MC1R: variants seen among roughly 807,000 people sequenced by gnomAD.
The protein encoded by MC1R is melanocortin 1 receptor.
For synonymous variants in MC1R, 263 were observed against 203.8 expected, an observed-to-expected ratio of 1.29 and a Z score of -2.47; for missense variants, 542 against 430.0, an observed-to-expected ratio of 1.26 and a Z score of -2.30.
chr16:89,919,673 G>A lies in MC1R; in HGVS notation c.415G>A (p.Ala139Thr), dbSNP rs765120108. 39 of 1,605,892 alleles carry A rather than the reference G, an allele frequency of 2.4e-5. No individual in the cohort carries two copies. The highest frequency in any genetic ancestry group is 3.0e-5 in the Non-Finnish European group (35 of 1,179,502). Residue 139 changes from alanine to threonine, a missense_variant, in exon 1 of 1, where the codon GCC becomes ACC. By Grantham distance (58) the Ala-to-Thr change is moderately conservative (BLOSUM62 0). Transcript: ENST00000555147. ...CAGCCTCTGCTTCCTGGGCGCCATC[G>A]CCGTGGACCGCTACATCTCCATCTT... ...LSSLCFLGAI[A>T]VDRYISIFYA... is the part of the protein sequence containing the mutation.
rs754488118 is a variant in MC1R at position 89,920,226 on chromosome 16, GGCTTTAAGTGTGCTGGGCA to G, written c.*16_*34del. On this transcript the variant is annotated 3_prime_UTR_variant, in exon 1 of 1. Transcript: ENST00000555147. ...TGCTCCTGGTGAGCGCGGTGCACGCGGCTTTAAGTGTGCTGGGCAGAGGGAGGTGGTGATATTGTGTGGT... is the reference window on the plus strand; with the variant it reads ...TGCTCCTGGTGAGCGCGGTGCACGCGGAGGGAGGTGGTGATATTGTGTGGT... The G allele has an allele frequency of 1.3e-6, 2 of 1,598,024 alleles. No homozygotes were observed. The highest frequency in any genetic ancestry group is 2.2e-5 in the South Asian group (2 of 90,732).
In MC1R at chr16:89,919,585, G is replaced by A. The variant is rs1391913478; in HGVS notation, c.327G>A (p.Arg109=). 2 of 1,610,394 alleles carry A rather than the reference G, an allele frequency of 1.2e-6. No individual in the cohort carries two copies. The highest frequency in any genetic ancestry group is 1.7e-5 in the Admixed American group (1 of 60,016). The change falls in exon 1 of 1, where the codon CGG becomes CGA. Residue 109 remains arginine (R), a synonymous_variant. Coordinates refer to ENST00000555147, the MANE Select transcript of MC1R (RefSeq NM_002386.4). ...LLLEAGALVA[R]AAVLQQLDNV... ...TGGAGGCCGGTGCACTGGTGGCCCG[G>A]GCTGCGGTGCTGCAGCAGCTGGACA... is the stretch of plus-strand genomic sequence containing the variant.
In MC1R at chr16:89,919,845, TC is replaced by T. The variant is rs1433113804; in HGVS notation, c.589del (p.Leu197TrpfsTer117). ...GTCCTGCTGTGCCTCGTGGTCTTCT[TC>T]CTGGCTATGCTGGTGCTCATGGCCG... The part of the protein sequence containing the change: ...VAVLLCLVVF[F>X]LAMLVLMAVL... On this transcript the variant is annotated frameshift_variant, in exon 1 of 1. Transcript: ENST00000555147. LOFTEE classifies it low-confidence loss of function (END_TRUNC). The T allele has an allele frequency of 1.2e-6, 2 of 1,606,800 alleles. No individual in the cohort carries two copies. The highest frequency in any genetic ancestry group is 1.7e-6 in the Non-Finnish European group (2 of 1,179,748).
rs3212370 is a variant in MC1R, at chr16:89,920,369, C to A, written c.*157C>A. 9,211 of 680,126 alleles carry A rather than the reference C, an allele frequency of 0.014. 677 individuals carry two copies. In the African/African-American group the frequency reaches 0.15, roughly 11 times the overall value. 42.1% of individuals were successfully genotyped at this position (680,126 alleles called of 1,614,324 possible). A position where few individuals can be genotyped will look rare whatever the true frequency, so the allele number is the denominator to read the frequency against. The stretch of plus-strand genomic sequence containing the variant: ...TCTCTGAAAGTGTTGAAGCGCGGAC[C>A]CTTCTGGGTCCAGGGAGGGGTCCCT... On this transcript the variant is annotated 3_prime_UTR_variant, in exon 1 of 1. Coordinates refer to ENST00000555147, the MANE Select transcript of MC1R (RefSeq NM_002386.4).
Position 89,919,262 on chromosome 16 carries a change from G to A in MC1R, c.4G>A (p.Ala2Thr), listed in dbSNP as rs1171269324. The change falls in exon 1 of 1, where the codon GCT becomes ACT. Residue 2 changes from alanine to threonine, a missense_variant. Ala to Thr is a moderately conservative substitution (Grantham distance 58). Transcript: ENST00000555147. ...TTCCTGCTTCCTGGACAGGACTATG[G>A]CTGTGCAGGGATCCCAGAGAAGACT... M[A>T]VQGSQRRLLG... 6.4e-7 allele frequency: 1 copy of A among 1,565,650 alleles called. No individual in the cohort carries two copies. The highest frequency in any genetic ancestry group is 8.7e-7 in the Non-Finnish European group (1 of 1,154,274).
chr16:89,919,350 C>T lies in MC1R; in HGVS notation c.92C>T (p.Thr31Ile). The change falls in exon 1 of 1, where the codon ACA (threonine) becomes ATA (isoleucine). Residue 31 changes from threonine to isoleucine, a missense_variant. Coordinates refer to ENST00000555147, the MANE Select transcript of MC1R (RefSeq NM_002386.4). ...CAGCTGGGGCTGGCTGCCAACCAGA[C>T]AGGAGCCCGGTGCCTGGAGGTGTCC... ...IPQLGLAANQ[T>I]GARCLEVSIS... 4 of 1,613,040 alleles carry T rather than the reference C, an allele frequency of 2.5e-6. No homozygotes were observed. The highest frequency in any genetic ancestry group is 3.4e-6 in the Non-Finnish European group (4 of 1,179,778).
chr16:89,919,925 C>A lies in MC1R; in HGVS notation c.667C>A (p.Arg223=), dbSNP rs372152373. The A allele has an allele frequency of 1.2e-6, 2 of 1,609,938 alleles. No homozygotes were observed. The highest frequency in any genetic ancestry group is 1.7e-6 in the Non-Finnish European group (2 of 1,179,826). The change falls in exon 1 of 1, where the codon CGG becomes AGG. Residue 223 remains arginine (R), a synonymous_variant. Transcript: ENST00000555147. ...CTGCCAGCACGCCCAGGGCATCGCC[C>A]GGCTCCACAAGAGGCAGCGCCCGGT... ...RACQHAQGIA[R]LHKRQRPVHQ... is the part of the protein sequence containing the mutation.
At position 89,919,626 on chromosome 16, in the gene MC1R, T is replaced by G; in HGVS notation, c.368T>G (p.Ile123Ser). The G allele has an allele frequency of 6.2e-7, 1 of 1,607,434 alleles. No individual in the cohort carries two copies. Among genetic ancestry groups the G allele is most frequent in the Non-Finnish European group, 8.5e-7 (1 of 1,179,778 alleles). The change falls in exon 1 of 1, where the codon ATC (isoleucine) becomes AGC (serine). Residue 123 changes from isoleucine to serine, a missense_variant. By Grantham distance (142) the Ile-to-Ser change is moderately radical (BLOSUM62 -2). Coordinates refer to ENST00000555147, the MANE Select transcript of MC1R (RefSeq NM_002386.4). ...LQQLDNVIDV[I>S]TCSSMLSSLC... The stretch of plus-strand genomic sequence containing the variant: ...CAGCTGGACAATGTCATTGACGTGA[T>G]CACCTGCAGCTCCATGCTGTCCAGC...
In MC1R at chr16:89,920,077, C is replaced by A; in HGVS notation, c.819C>A (p.Cys273Ter). 1 of 1,613,830 alleles carries A rather than the reference C, an allele frequency of 6.2e-7. No individual in the cohort carries two copies. Reference protein sequence around the residue: ...LIVLCPEHPTCGCIFKNFNLF... With the variant: ...LIVLCPEHPT ...TCCTCTGCCCCGAGCACCCCACGTG[C>A]GGCTGCATCTTCAAGAACTTCAACC... The change falls in exon 1 of 1, where the codon TGC becomes TGA. Residue 273 changes from cysteine (C) to a stop codon, truncating the protein, a stop_gained. Coordinates refer to ENST00000555147, the MANE Select transcript of MC1R (RefSeq NM_002386.4). LOFTEE classifies it low-confidence loss of function (END_TRUNC).
rs1409365226 is a variant in MC1R at position 89,920,910 on chromosome 16, G to T, written c.*698G>T. ...AGCCCTGGCAAATGCCTGACTCAGTGACCAGTGCCTGTGAGCATGGGGCCA... is the reference window on the plus strand; with the variant it reads ...AGCCCTGGCAAATGCCTGACTCAGTTACCAGTGCCTGTGAGCATGGGGCCA... On this transcript the variant is annotated 3_prime_UTR_variant, in exon 1 of 1. Transcript: ENST00000555147. The T allele has an allele frequency of 1.7e-6, 1 of 585,026 alleles. No individual in the cohort carries two copies. Among genetic ancestry groups the T allele is most frequent in the African/African-American group, 1.9e-5 (1 of 52,864 alleles). The allele number at this position is 585,026 out of a possible 1,614,324, so 36.2% of individuals were successfully genotyped here. A position where few individuals can be genotyped will look rare whatever the true frequency, so the allele number is the denominator to read the frequency against.
rs1459586862 is a variant in MC1R at position 89,920,906 on chromosome 16, C to CA, written c.*695dup. The CA allele has an allele frequency of 1.7e-6, 1 of 586,812 alleles. No homozygotes were observed. Among genetic ancestry groups the CA allele is most frequent in the Non-Finnish European group, 3.1e-6 (1 of 324,048 alleles). The allele number at this position is 586,812 out of a possible 1,614,324, so 36.4% of individuals were successfully genotyped here. A position where few individuals can be genotyped will look rare whatever the true frequency, so the allele number is the denominator to read the frequency against. ...AGACAGCCCTGGCAAATGCCTGACTCAGTGACCAGTGCCTGTGAGCATGGG... is the reference window on the plus strand; with the variant it reads ...AGACAGCCCTGGCAAATGCCTGACTCAAGTGACCAGTGCCTGTGAGCATGGG... On this transcript the variant is annotated 3_prime_UTR_variant, in exon 1 of 1. Transcript: ENST00000555147.
rs905089222 is a variant in MC1R at position 89,920,216 on chromosome 16, C to T, written c.*4C>T. 6 of 1,608,734 alleles carry T rather than the reference C, an allele frequency of 3.7e-6. No homozygotes were observed. The highest frequency in any genetic ancestry group is 2.7e-5 in the African/African-American group (2 of 74,760). On this transcript the variant is annotated 3_prime_UTR_variant, in exon 1 of 1. Coordinates refer to ENST00000555147, the MANE Select transcript of MC1R (RefSeq NM_002386.4). ...GGTGCTGACATGCTCCTGGTGAGCG[C>T]GGTGCACGCGGCTTTAAGTGTGCTG...
rs376780075 is a variant in MC1R, at chr16:89,919,944, G to T, written c.686G>T (p.Arg229Leu). 6.2e-7 allele frequency: 1 copy of T among 1,611,346 alleles called. No individual in the cohort carries two copies. Among genetic ancestry groups the T allele is most frequent in the East Asian group, 2.2e-5 (1 of 44,894 alleles). ...QGIARLHKRQRPVHQGFGLKG... is the reference protein window; with the variant it reads ...QGIARLHKRQLPVHQGFGLKG... ...ATCGCCCGGCTCCACAAGAGGCAGC[G>T]CCCGGTCCACCAGGGCTTTGGCCTT... The change falls in exon 1 of 1, where the codon CGC becomes CTC. Residue 229 changes from arginine to leucine, a missense_variant. Arg to Leu is a moderately radical substitution (Grantham distance 102). Transcript: ENST00000555147.
In MC1R at chr16:89,918,977, G is replaced by A; in HGVS notation, c.-282G>A. 1 of 494,202 alleles carries A rather than the reference G, an allele frequency of 2.0e-6. No individual in the cohort carries two copies. Among genetic ancestry groups the A allele is most frequent in the Non-Finnish European group, 3.6e-6 (1 of 274,854 alleles). 30.6% of individuals were successfully genotyped at this position (494,202 alleles called of 1,614,324 possible). ...CTGAGCAGCAGCCACCAGGGAAGAG[G>A]CAGGGAGGGAGCTGAGGACCAGGCT... On this transcript the variant is annotated 5_prime_UTR_variant, in exon 1 of 1. Coordinates refer to ENST00000555147, the MANE Select transcript of MC1R (RefSeq NM_002386.4).
At position 89,919,667 on chromosome 16, in the gene MC1R, GC is replaced by G; in HGVS notation, c.411del (p.Ile138SerfsTer19). The G allele has an allele frequency of 6.2e-7, 1 of 1,606,150 alleles. No homozygotes were observed. Among genetic ancestry groups the G allele is most frequent in the Non-Finnish European group, 8.5e-7 (1 of 1,179,466 alleles). On this transcript the variant is annotated frameshift_variant, in exon 1 of 1. Transcript: ENST00000555147. LOFTEE classifies it low-confidence loss of function (END_TRUNC). ...GCTGTCCAGCCTCTGCTTCCTGGGC[GC>G]CATCGCCGTGGACCGCTACATCTCC... is the stretch of plus-strand genomic sequence containing the variant. Reference protein sequence around the residue: ...SMLSSLCFLGAIAVDRYISIF... With the variant: ...SMLSSLCFLGXIAVDRYISIF...
Position 89,919,516 on chromosome 16 carries a change from G to A in MC1R, c.258G>A (p.Leu86=). 6.2e-7 allele frequency: 1 copy of A among 1,613,132 alleles called. No homozygotes were observed. ...FICCLALSDL[L]VSGSNVLETA... ...GCTGCCTGGCCTTGTCGGACCTGCT[G>A]GTGAGCGGGAGCAACGTGCTGGAGA... is the stretch of plus-strand genomic sequence containing the variant. The change falls in exon 1 of 1, where the codon CTG becomes CTA. Residue 86 remains leucine (L), a synonymous_variant. Transcript: ENST00000555147.
At position 89,920,546 on chromosome 16, in the gene MC1R, C is replaced by G. The variant is rs577746924; in HGVS notation, c.*334C>G. 5 of 637,172 alleles carry G rather than the reference C, an allele frequency of 7.8e-6. No homozygotes were observed. Among genetic ancestry groups the G allele is most frequent in the South Asian group, 7.4e-5 (4 of 54,210 alleles). 39.5% of individuals were successfully genotyped at this position (637,172 alleles called of 1,614,324 possible). On this transcript the variant is annotated 3_prime_UTR_variant, in exon 1 of 1. Transcript: ENST00000555147. The stretch of plus-strand genomic sequence containing the variant: ...CCACTCCTGGGACACTCCGTCTGCT[C>G]CAATGACTGAGCAGCATCCACCCCA...
chr16:89,920,913 C>T lies in MC1R; in HGVS notation c.*701C>T, dbSNP rs2045717125. Reference sequence around the variant, plus strand: ...CCTGGCAAATGCCTGACTCAGTGACCAGTGCCTGTGAGCATGGGGCCAGGA... The same window carrying T: ...CCTGGCAAATGCCTGACTCAGTGACTAGTGCCTGTGAGCATGGGGCCAGGA... On this transcript the variant is annotated 3_prime_UTR_variant, in exon 1 of 1. Transcript: ENST00000555147. The T allele has an allele frequency of 8.6e-6, 5 of 584,254 alleles. No individual in the cohort carries two copies. The Admixed American group carries it at 1.0e-4, about 12-fold the overall frequency. 36.2% of individuals were successfully genotyped at this position (584,254 alleles called of 1,614,324 possible).
At position 89,920,328 on chromosome 16, in the gene MC1R, A is replaced by G; in HGVS notation, c.*116A>G. On this transcript the variant is annotated 3_prime_UTR_variant, in exon 1 of 1. Transcript: ENST00000555147. ...CCTCCCTGGTCCCCGTTTGTCAAAG[A>G]GGATGGACTAAATGATCTCTGAAAG... 1 of 862,212 alleles carries G rather than the reference A, an allele frequency of 1.2e-6. No homozygotes were observed. The allele number at this position is 862,212 out of a possible 1,614,324, so 53.4% of individuals were successfully genotyped here.
Sources: gnomAD v4.1 joint callset for allele counts on GRCh38, gnomAD v4.1.1 for gene constraint, MANE v1.5 for transcripts, NCBI Gene and HGNC (gene_info 2026-07-23, HGNC 2026-07-21) for gene names.